Variants in C14orf39 observed in about 807,000 individuals in gnomAD.
The protein encoded by C14orf39 is protein SIX6OS1.
Under a neutral mutation model 85.6 loss-of-function variants are expected in C14orf39, and 66 were observed. The observed-to-expected ratio is 0.77, with a 90% CI of 0.63 to 0.95. The LOEUF is 0.95. C14orf39 is among the 40% of genes least tolerant of loss of function. The probability of loss-of-function intolerance (pLI) is 0.00; values close to 1 mark genes in which losing one functional copy is unlikely to be tolerated. For synonymous variants in C14orf39, 242 were observed against 214.0 expected, an observed-to-expected ratio of 1.13 and a Z score of -1.14; for missense variants, 735 against 663.9, an observed-to-expected ratio of 1.11 and a Z score of -1.18.
chr14:60,442,452 A>G (rs1050531744), intron 16 of C14orf39, among the ~76,000 whole-genome samples: 5 of 152,016 alleles, frequency 3.3e-5, no homozygotes, highest in African/African-American at 1.2e-4. Context: ...TTTTTTGCCT[A>G]TAAAAGTAAC....
At chr14:60,501,306 CAAAAAAA>C (rs66800067) in intron 1 of C14orf39, among the ~76,000 whole-genome samples, 1 of 105,620 alleles carries the variant, frequency 9.5e-6, no homozygotes, top group African/African-American at 3.9e-5. Flanking sequence ...ACCCTGTCTC[CAAAAAAA>C]AAAAAAAAAA....
At chr14:60,482,381 G>A (rs1040916852) in intron 4 of C14orf39, among the ~76,000 whole-genome samples, 5 of 152,172 alleles carry the variant, frequency 3.3e-5, no homozygotes, top group Non-Finnish European at 5.9e-5. Flanking sequence ...CAATTCCAGT[G>A]TTGGCAAGAG....
At chr14:60,441,018 T>C (rs1042876492) in intron 17 of C14orf39, among the ~76,000 whole-genome samples, 7 of 152,140 alleles carry the variant, frequency 4.6e-5, no homozygotes, top group Non-Finnish European at 8.8e-5. Flanking sequence ...CTTTGCTGCA[T>C]AGTATTTATC....
chr14:60,478,217 A>T, intron 5 of C14orf39, 83 bp downstream of exon 5: 1 of 375,440 alleles, frequency 2.7e-6, no homozygotes, highest in Non-Finnish European at 4.9e-6. Context: ...CAAAATGTCT[A>T]CATTTTTCAA....
At chr14:60,509,115 A>C in intron 1 of C14orf39, 1 of 492,606 alleles carries the variant, frequency 2.0e-6, no homozygotes, top group Non-Finnish European at 3.6e-6. Context: ...GGGGGTCTCC[A>C]TGGCGCCCGC....
chr14:60,489,819 A>C (rs1434443927), upstream of C14orf39, among the ~76,000 whole-genome samples: 2 of 152,198 alleles, frequency 1.3e-5, no homozygotes, highest in African/African-American at 4.8e-5. Context: ...ATGAGTCAAC[A>C]TCATATTTCT....
chr14:60,490,435 C>T (rs983317004), upstream of C14orf39, among the ~76,000 whole-genome samples: 1 of 130,062 alleles, frequency 7.7e-6, no homozygotes, highest in Admixed American at 9.0e-5. Context: ...GAAAACCCAT[C>T]TCTATAAATA....
intron 2 of C14orf39, chr14:60,496,478 C>A (rs939990904): frequency 3.8e-6 from 1 of 260,728 alleles, no homozygotes. Context: ...CCCTTAGCTG[C>A]CACCATTCTC....
At chr14:60,465,349 C>T (rs1185153427) in intron 11 of C14orf39, among the ~76,000 whole-genome samples, 2 of 152,072 alleles carry the variant, frequency 1.3e-5, no homozygotes, top group East Asian at 3.9e-4. Flanking sequence ...AAAAAGTGTG[C>T]CACCAGCAGT....
exon 2 of C14orf39, chr14:60,499,334 A>G (rs1045060316): frequency 3.3e-5 from 5 of 152,246 alleles, no homozygotes; most frequent in African/African-American, 1.2e-4. Flanking sequence ...TTGTGAAACA[A>G]TAGGAATAAA....
rs1227386590 is a variant in C14orf39, at chr14:60,468,483, C to G, written c.729G>C (p.Lys243Asn). The stretch of plus-strand genomic sequence containing the variant: ...CTTTTCTGTTTTCTGTATTTTTGTT[C>G]TTTTCTTCCAGAGTTTCTGAAAGAG... ...TKALSETLEE[K>N]NKNTENRKEL... The change falls in exon 9 of 18, where the codon AAG becomes AAC. Residue 243 changes from lysine to asparagine, a missense_variant. Lys to Asn is a moderately conservative substitution (Grantham distance 94). Coordinates refer to ENST00000321731, the MANE Select transcript of C14orf39 (RefSeq NM_174978.3). The G allele has an allele frequency of 6.3e-7, 1 of 1,596,566 alleles. No individual in the cohort carries two copies. Among genetic ancestry groups the G allele is most frequent in the Non-Finnish European group, 8.5e-7 (1 of 1,170,542 alleles).
rs564910808 is a variant in C14orf39, at chr14:60,485,351, G to A, written c.-8-265C>T. Among the ~76,000 whole-genome samples, 5 of 152,304 alleles carry A rather than the reference G, an allele frequency of 3.3e-5. No homozygotes were observed. In the South Asian group the frequency reaches 6.2e-4, roughly 19 times the overall value. ...TGGGGTGGGAAGCACCCGCATAACC[G>A]CTTATGCGTGGGATTGCAACAAGCA... On this transcript the variant is annotated intron_variant, in intron 1 of 17. Coordinates refer to ENST00000321731, the MANE Select transcript of C14orf39 (RefSeq NM_174978.3).
At chr14:60,471,051 AGTG>A (rs1208749508) in intron 7 of C14orf39, among the ~76,000 whole-genome samples, 5 of 151,894 alleles carry the variant, frequency 3.3e-5, no homozygotes, top group Non-Finnish European at 7.4e-5. Context: ...GTAGGTTTCC[AGTG>A]ATGAATGAAT....
At position 60,456,928 on chromosome 14, in the gene C14orf39, G is replaced by C. The variant is rs1222236439; in HGVS notation, c.1347C>G (p.Pro449=). The change falls in exon 15 of 18, where the codon CCC becomes CCG. Residue 449 remains proline, a synonymous_variant. Coordinates refer to ENST00000321731, the MANE Select transcript of C14orf39 (RefSeq NM_174978.3). ...AATTAAAATCCTACATTTCGAACGG[G>C]GGGGTTTTAGGGAATTTTATTTTCT... The part of the protein sequence containing the change: ...SLEKIKFPKT[P]PFEINRNRNA... 1 of 1,565,140 alleles carries C rather than the reference G, an allele frequency of 6.4e-7. No individual in the cohort carries two copies. The highest frequency in any genetic ancestry group is 8.6e-7 in the Non-Finnish European group (1 of 1,161,968).
chr14:60,509,512 C>A, intron 1 of C14orf39: 2 of 1,605,796 alleles, frequency 1.2e-6, no homozygotes. Flanking sequence ...GGTCGCTGCC[C>A]GTGGCCCCTG....
At chr14:60,467,660 A>G (rs1891860654) in intron 9 of C14orf39, among the ~76,000 whole-genome samples, 1 of 151,820 alleles carries the variant, frequency 6.6e-6, no homozygotes, top group African/African-American at 2.4e-5. Flanking sequence ...TATTTTTTCA[A>G]TTAACTTCAT....
At chr14:60,463,425 C>T (rs1352995186) in intron 11 of C14orf39, among the ~76,000 whole-genome samples, 2 of 151,928 alleles carry the variant, frequency 1.3e-5, no homozygotes, top group African/African-American at 4.8e-5. Flanking sequence ...GTCCATTGAT[C>T]ACTTTGTCTT....
At chr14:60,468,877 TGA>T (rs1891929431) in intron 8 of C14orf39, among the ~76,000 whole-genome samples, 1 of 151,560 alleles carries the variant, frequency 6.6e-6, no homozygotes, top group South Asian at 2.1e-4. Flanking sequence ...TTTACTAAAA[TGA>T]TATTACTGTT....
rs551492655 is a variant in C14orf39 at position 60,513,042 on chromosome 14, G to C, written c.-144+2353C>G. On this transcript the variant is annotated intron_variant, in intron 1 of 5. Transcript: ENST00000556799. The stretch of plus-strand genomic sequence containing the variant: ...CAAAAAGCAGCCAAACGGCAAGATA[G>C]ACAATGGAAGCCCAGGACAGAGTAA... Among the ~76,000 whole-genome samples the C allele has an allele frequency of 2.0e-5, 3 of 152,342 alleles. No homozygotes were observed. The South Asian group carries it at 6.2e-4, about 32-fold the overall frequency.
Sources: allele counts gnomAD v4.1 joint callset (sites outside exome capture counted in the v4.1 genomes callset), GRCh38; gene constraint gnomAD v4.1.1; transcripts MANE v1.5; gene names NCBI Gene and HGNC (gene_info 2026-07-23, HGNC 2026-07-21).